Variants in GNAQ observed in about 807,000 individuals in gnomAD.
The protein encoded by GNAQ is G protein subunit alpha q, also known as guanine nucleotide-binding protein G(q) subunit alpha.
GNAQ carries 8 observed loss-of-function variants against 43.9 expected under a neutral mutation model. That is an observed-to-expected ratio of 0.18 (90% CI 0.11 to 0.33). The LOEUF (loss-of-function observed/expected upper bound fraction) is 0.33. Ranked by LOEUF, GNAQ falls within the 10% of genes least tolerant of loss-of-function variation. The probability of loss-of-function intolerance (pLI) is 1.00; values close to 1 mark genes in which losing one functional copy is unlikely to be tolerated. For missense variants in GNAQ, 158 were observed against 450.8 expected (o/e 0.35, Z 5.88); for synonymous variants, 155 against 170.7 (o/e 0.91, Z 0.71).
At chr9:77,910,840 C>T (rs1828789417) in intron 2 of GNAQ, among the ~76,000 whole-genome samples, 1 of 152,152 alleles carries the variant, frequency 6.6e-6, no homozygotes, top group South Asian at 2.1e-4. Context: ...AACTGGAATT[C>T]AGAGACATTA....
At chr9:77,774,711 C>T (rs1300129385) in intron 5 of GNAQ, among the ~76,000 whole-genome samples, 1 of 152,182 alleles carries the variant, frequency 6.6e-6, no homozygotes, top group Non-Finnish European at 1.5e-5. Context: ...CATCTTTCTG[C>T]CTTGGCCTCC....
rs576788003 is a variant in GNAQ, at chr9:77,735,714, T to C, written c.736-7047A>G. ...TGGGAAGAGGAAAAAAGTACAGGAA[T>C]TCACATGAATCTGCTGTATGGAAAT... On this transcript the variant is annotated intron_variant, in intron 5 of 6. Transcript: ENST00000286548. Among the ~76,000 whole-genome samples the C allele has an allele frequency of 2.0e-5, 3 of 152,266 alleles. No individual in the cohort carries two copies. In the East Asian group the frequency reaches 5.8e-4, roughly 29 times the overall value.
intron 5 of GNAQ, among the ~76,000 whole-genome samples, chr9:77,762,019 C>A (rs1174565012): frequency 2.9e-3 from 235 of 82,404 alleles, no homozygotes; most frequent in Admixed American, 3.9e-3. Context: ...GGCCGCCCCT[C>A]CTGGGAAGTG....
intron 2 of GNAQ, among the ~76,000 whole-genome samples, chr9:77,904,588 T>C (rs1381350642): frequency 6.6e-6 from 1 of 152,092 alleles, no homozygotes; most frequent in African/African-American, 2.4e-5. Flanking sequence ...CGCCTCGGCC[T>C]CCCAAAGTGC....
chr9:77,813,619 T>C (rs1020035674), intron 3 of GNAQ, among the ~76,000 whole-genome samples: 1 of 152,144 alleles, frequency 6.6e-6, no homozygotes, highest in Non-Finnish European at 1.5e-5. Flanking sequence ...CCAATACAGG[T>C]GTCCTAGGTG....
intron 5 of GNAQ, among the ~76,000 whole-genome samples, chr9:77,761,870 T>C (rs1413354736): frequency 0.014 from 747 of 53,524 alleles, 39 homozygotes; most frequent in African/African-American, 0.048. Context: ...GCCCCCCGCC[T>C]GGCCAGCCGC....
intron 1 of GNAQ, among the ~76,000 whole-genome samples, chr9:78,001,359 C>A (rs1211670790): frequency 6.6e-6 from 1 of 151,992 alleles, no homozygotes; most frequent in African/African-American, 2.4e-5. Context: ...TGAGATCGCG[C>A]CACTGCACAC....
chr9:77,970,871 C>T (rs1823229142), intron 1 of GNAQ, among the ~76,000 whole-genome samples: 3 of 151,704 alleles, frequency 2.0e-5, no homozygotes. Flanking sequence ...TTGAAAAGAT[C>T]AACAAAATAG....
rs372238397 is a variant in GNAQ, at chr9:77,790,833, A to G, written c.735+3630T>C. Among the ~76,000 whole-genome samples, 20 of 152,294 alleles carry G rather than the reference A, an allele frequency of 1.3e-4. 1 individual carries two copies. The highest frequency in any genetic ancestry group is 9.1e-4 in the Admixed American group (14 of 15,304). On this transcript the variant is annotated intron_variant, in intron 5 of 6. Coordinates refer to ENST00000286548, the MANE Select transcript of GNAQ (RefSeq NM_002072.5). ...TCTTCATTCCTGTAACCTCATCGTT[A>G]TGACGCACACCAGCAAACCTGATCT...
chr9:77,839,499 C>T (rs1482570524), intron 2 of GNAQ, among the ~76,000 whole-genome samples: 1 of 152,166 alleles, frequency 6.6e-6, no homozygotes, highest in African/African-American at 2.4e-5. Context: ...CCTTCAGATT[C>T]CTCATTTGAT....
intron 3 of GNAQ, among the ~76,000 whole-genome samples, chr9:77,801,163 G>C (rs1260937946): frequency 6.6e-6 from 1 of 152,134 alleles, no homozygotes. Flanking sequence ...TAAAGAACCA[G>C]CACATGAAGT....
At chr9:77,907,764 GTATTTAC>G (rs1287817409) in intron 2 of GNAQ, among the ~76,000 whole-genome samples, 1 of 152,178 alleles carries the variant, frequency 6.6e-6, no homozygotes, top group African/African-American at 2.4e-5. Context: ...TCATTCCATA[GTATTTAC>G]TGAGCCTAAC....
intron 2 of GNAQ, among the ~76,000 whole-genome samples, chr9:77,875,575 A>G (rs1478534885): frequency 1.3e-5 from 2 of 152,202 alleles, no homozygotes; most frequent in Non-Finnish European, 2.9e-5. Context: ...GGGAATGTCA[A>G]CTTTCACAGA....
At chr9:77,877,321 T>C (rs1448000144) in intron 2 of GNAQ, among the ~76,000 whole-genome samples, 2 of 152,222 alleles carry the variant, frequency 1.3e-5, no homozygotes, top group Admixed American at 1.3e-4. Context: ...AACTTTGTTT[T>C]AGCATTATAA....
chr9:77,816,323 T>C (rs924230060), intron 2 of GNAQ, among the ~76,000 whole-genome samples: 1 of 152,150 alleles, frequency 6.6e-6, no homozygotes, highest in Non-Finnish European at 1.5e-5. Context: ...TGGACAACAA[T>C]GACAATTACC....
At position 77,719,206 on chromosome 9, in the gene GNAQ, TAAATA is replaced by T. The variant is rs370846425; in HGVS notation, c.*2112_*2116del. On this transcript the variant is annotated 3_prime_UTR_variant, in exon 7 of 7. Transcript: ENST00000286548. ...TTTACATTCTCCTCTCTTAAAAAAG[TAAATA>T]AAATAACATTATTCAAAACGTGAAT... 392 of 231,700 alleles carry T rather than the reference TAAATA, an allele frequency of 1.7e-3. 19 individuals carry two copies. The South Asian group carries it at 0.067, about 40-fold the overall frequency. 14.4% of individuals were successfully genotyped at this position (231,700 alleles called of 1,614,324 possible).
intron 2 of GNAQ, among the ~76,000 whole-genome samples, chr9:77,836,851 G>A (rs1827395561): frequency 6.6e-6 from 1 of 152,096 alleles, no homozygotes; most frequent in Non-Finnish European, 1.5e-5. Context: ...AGTTGACAGT[G>A]TAAAAAAATA....
At chr9:77,921,325 G>A (rs1828993664) in intron 2 of GNAQ, among the ~76,000 whole-genome samples, 1 of 152,194 alleles carries the variant, frequency 6.6e-6, no homozygotes, top group Non-Finnish European at 1.5e-5. Flanking sequence ...CCTGGGTGCA[G>A]GTCCAGTTCC....
In GNAQ at chr9:77,738,887, T is replaced by G. The variant is rs555668851; in HGVS notation, c.736-10220A>C. Among the ~76,000 whole-genome samples the G allele has an allele frequency of 2.0e-5, 3 of 152,252 alleles. No homozygotes were observed. The East Asian group carries it at 5.8e-4, about 29-fold the overall frequency. ...CATTCTAGTCTAAGCATTTTTTTTT[T>G]GTCAAATTCTTAAGTTATAGTGGGC... On this transcript the variant is annotated intron_variant, in intron 5 of 6. Transcript: ENST00000286548.
Sources: gnomAD v4.1 joint callset for allele counts (sites outside exome capture counted in the v4.1 genomes callset) on GRCh38, gnomAD v4.1.1 for gene constraint, MANE v1.5 for transcripts, NCBI Gene and HGNC (gene_info 2026-07-23, HGNC 2026-07-21) for gene names.